Variants in CCDC178 observed in about 807,000 individuals in gnomAD.
The protein encoded by CCDC178 is coiled-coil domain containing 178.
Under a neutral mutation model 117.4 loss-of-function variants are expected in CCDC178, and 126 were observed. That is an observed-to-expected ratio of 1.07 (90% CI 0.93 to 1.24). The LOEUF (loss-of-function observed/expected upper bound fraction) is 1.24. CCDC178 is among the 50% of genes most tolerant of loss of function. The pLI is 0.00. For missense variants in CCDC178, 1,030 were observed against 986.9 expected (o/e 1.04, Z -0.59); for synonymous variants, 283 against 313.4 (o/e 0.90, Z 1.02).
intron 21 of CCDC178, among the ~76,000 whole-genome samples, chr18:33,062,351 G>C (rs908506625): frequency 6.6e-6 from 1 of 152,222 alleles, no homozygotes; most frequent in African/African-American, 2.4e-5. Context: ...CACGATGGCT[G>C]AATAGAGGCT....
intron 5 of CCDC178, among the ~76,000 whole-genome samples, chr18:33,381,333 T>C (rs1028247115): frequency 6.6e-6 from 1 of 152,186 alleles, no homozygotes; most frequent in Non-Finnish European, 1.5e-5. Context: ...CTGTGTTGCA[T>C]GCTCAGACTT....
intron 21 of CCDC178, among the ~76,000 whole-genome samples, chr18:33,087,382 G>A (rs1046515305): frequency 6.6e-6 from 1 of 152,154 alleles, no homozygotes; most frequent in Non-Finnish European, 1.5e-5. Context: ...TATCAGCTGT[G>A]TACTCCTGTC....
chr18:33,306,856 T>C (rs1054384141), intron 11 of CCDC178, among the ~76,000 whole-genome samples: 2 of 152,076 alleles, frequency 1.3e-5, no homozygotes, highest in Admixed American at 1.3e-4. Context: ...GATATTCTCA[T>C]GATAATAAGT....
chr18:33,431,341 A>G (rs1337710645), intron 2 of CCDC178, among the ~76,000 whole-genome samples: 2 of 151,872 alleles, frequency 1.3e-5, no homozygotes, highest in Non-Finnish European at 2.9e-5. Context: ...AGAATATCTG[A>G]ATTAGGCATT....
At chr18:33,020,535 C>A (rs991276871) in intron 21 of CCDC178, among the ~76,000 whole-genome samples, 1 of 152,004 alleles carries the variant, frequency 6.6e-6, no homozygotes, top group African/African-American at 2.4e-5. Context: ...GTCCATGAGC[C>A]CACTTTGCTT....
At chr18:33,049,561 G>C (rs975399405) in intron 21 of CCDC178, among the ~76,000 whole-genome samples, 2 of 152,062 alleles carry the variant, frequency 1.3e-5, no homozygotes, top group African/African-American at 2.4e-5. Context: ...GCATGTTTCA[G>C]TTAACCATCT....
chr18:33,137,241 C>G (rs1206756354), intron 20 of CCDC178, among the ~76,000 whole-genome samples: 1 of 152,112 alleles, frequency 6.6e-6, no homozygotes, highest in Admixed American at 6.5e-5. Flanking sequence ...ATTCATTAAG[C>G]ATCTATTATG....
chr18:33,002,593 C>A (rs902049116), intron 21 of CCDC178, among the ~76,000 whole-genome samples: 1 of 151,640 alleles, frequency 6.6e-6, no homozygotes, highest in African/African-American at 2.4e-5. Flanking sequence ...AGAAAAACTT[C>A]AAATAAACAA....
chr18:32,971,970 G>A (rs2054936776), intron 22 of CCDC178, among the ~76,000 whole-genome samples: 1 of 151,898 alleles, frequency 6.6e-6, no homozygotes, highest in Non-Finnish European at 1.5e-5. Flanking sequence ...TTTATAGGTT[G>A]CCTCTTCACT....
At chr18:33,355,238 G>A (rs777230633) in intron 7 of CCDC178, among the ~76,000 whole-genome samples, 2 of 152,172 alleles carry the variant, frequency 1.3e-5, no homozygotes, top group East Asian at 1.9e-4. Flanking sequence ...TGCTTTTTCT[G>A]TCTGTAGTGG....
At chr18:33,173,770 C>G (rs1397832292) in intron 20 of CCDC178, among the ~76,000 whole-genome samples, 2 of 152,170 alleles carry the variant, frequency 1.3e-5, no homozygotes, top group Non-Finnish European at 2.9e-5. Context: ...ATACAGAGTT[C>G]TCTCTTCAGT....
At chr18:32,945,784 C>A (rs987720207) in intron 22 of CCDC178, among the ~76,000 whole-genome samples, 2 of 152,070 alleles carry the variant, frequency 1.3e-5, no homozygotes, top group East Asian at 3.9e-4. Context: ...CATGTTCATG[C>A]AGAGACGACT....
At chr18:33,302,311 G>A (rs1166215128) in intron 11 of CCDC178, among the ~76,000 whole-genome samples, 1 of 152,132 alleles carries the variant, frequency 6.6e-6, no homozygotes, top group Non-Finnish European at 1.5e-5. Context: ...ATAAATTACT[G>A]AGCCTCAGGT....
chr18:33,429,276 T>C (rs754051135), intron 2 of CCDC178, among the ~76,000 whole-genome samples: 15 of 151,362 alleles, frequency 9.9e-5, no homozygotes, highest in Non-Finnish European at 2.1e-4. Context: ...GACCTGGAAC[T>C]GGCAACCCCT....
At chr18:33,372,716 TA>T (rs1451442234) in intron 5 of CCDC178, among the ~76,000 whole-genome samples, 3 of 152,114 alleles carry the variant, frequency 2.0e-5, no homozygotes, top group Admixed American at 2.0e-4. Flanking sequence ...AAATATCAAC[TA>T]GTTGTTTGTG....
At chr18:33,009,882 T>A (rs2055827991) in intron 21 of CCDC178, among the ~76,000 whole-genome samples, 1 of 152,160 alleles carries the variant, frequency 6.6e-6, no homozygotes, top group African/African-American at 2.4e-5. Flanking sequence ...AATTGATGTA[T>A]ACTTTATCTC....
At chr18:32,985,907 G>C (rs1361028793) in intron 21 of CCDC178, among the ~76,000 whole-genome samples, 1 of 151,944 alleles carries the variant, frequency 6.6e-6, no homozygotes, top group Non-Finnish European at 1.5e-5. Context: ...CAAGGAACAA[G>C]TATAGTTCTA....
intron 12 of CCDC178, among the ~76,000 whole-genome samples, chr18:33,281,957 C>G (rs2060031255): frequency 1.3e-5 from 2 of 152,100 alleles, no homozygotes; most frequent in South Asian, 4.2e-4. Flanking sequence ...GCAAGATGGC[C>G]AACTAGGTGC....
At chr18:32,953,847 G>A (rs755726864) in intron 22 of CCDC178, among the ~76,000 whole-genome samples, 5 of 152,056 alleles carry the variant, frequency 3.3e-5, no homozygotes, top group Non-Finnish European at 7.4e-5. Flanking sequence ...ATAATAACAT[G>A]AATAAGGGCA....
Sources: gnomAD v4.1 joint callset for allele counts (sites outside exome capture counted in the v4.1 genomes callset) on GRCh38, gnomAD v4.1.1 for gene constraint, MANE v1.5 for transcripts, NCBI Gene and HGNC (gene_info 2026-07-23, HGNC 2026-07-21) for gene names.